The following F10 variants were observed in gnomAD, a reference collection of about 807,000 sequenced individuals.
F10 encodes the protein coagulation factor X.
Under a neutral mutation model 37.1 loss-of-function variants are expected in F10, and 29 were observed. That is an observed-to-expected ratio of 0.78 (90% CI 0.58 to 1.07). The LOEUF (loss-of-function observed/expected upper bound fraction) is 1.07. F10 is among the 50% of genes least tolerant of loss of function. The probability of loss-of-function intolerance (pLI) is 0.00; values close to 1 mark genes in which losing one functional copy is unlikely to be tolerated. For synonymous variants in F10, 262 were observed against 268.6 expected (o/e 0.98, Z 0.24); for missense variants, 539 against 667.9 (o/e 0.81, Z 2.13).
chr13:113,126,120 G>A (rs2036367849), intron 1 of F10, among the ~76,000 whole-genome samples: 1 of 152,140 alleles, frequency 6.6e-6, no homozygotes, highest in African/African-American at 2.4e-5. Context: ...GGTGAATGAG[G>A]GCAGAGTTGA....
In F10 at chr13:113,139,354, CAG is replaced by C. The variant is rs1399921919; in HGVS notation, c.257-1_257del. On this transcript the variant is annotated splice_acceptor_variant, in intron 3 of 7. Transcript: ENST00000375559. LOFTEE classifies it high-confidence loss of function. This position sits in a 1 kb window ranked among gnomAD's most constrained non-coding sequence, Gnocchi z 5.2. ...CTCCAGTTTCGAAATCCTCTCTTTG[CAG>C]ATGGCGACCAGTGTGAGACCAGTCC... 6.2e-7 allele frequency: 1 copy of C among 1,613,078 alleles called. No individual in the cohort carries two copies. Among genetic ancestry groups the C allele is most frequent in the Non-Finnish European group, 8.5e-7 (1 of 1,179,232 alleles).
rs2036530181 is a variant in F10 at position 113,141,793 on chromosome 13, G to A, written c.502+743G>A. Among the ~76,000 whole-genome samples, 1 of 152,184 alleles carries A rather than the reference G, an allele frequency of 6.6e-6. No homozygotes were observed. Among genetic ancestry groups the A allele is most frequent in the African/African-American group, 2.4e-5 (1 of 41,458 alleles). On this transcript the variant is annotated intron_variant, in intron 5 of 7. Coordinates refer to ENST00000375559, the MANE Select transcript of F10 (RefSeq NM_000504.4). This position sits in a 1 kb window ranked among gnomAD's most constrained non-coding sequence, Gnocchi z 5.4. ...AGCAACCCCACTCCCACTCATAGCT[G>A]GCCCGACCCGCAGCGTTGGCCTCAC...
Position 113,144,563 on chromosome 13 carries a change from T to C in F10, c.747+468T>C, listed in dbSNP as rs946072584. ...TGGGCAAGGCCTCCATCTGCTCTTC[T>C]GTTTGACGGGAGGCAGAAAGAGTTG... On this transcript the variant is annotated intron_variant, in intron 6 of 7. Transcript: ENST00000375559. The surrounding 1 kb of genome is among the most constrained non-coding windows in gnomAD (Gnocchi z 6.4). 1.3e-5 allele frequency among the ~76,000 whole-genome samples: 2 copies of C among 152,248 alleles called. No homozygotes were observed. The highest frequency in any genetic ancestry group is 1.3e-4 in the Admixed American group (2 of 15,284).
chr13:113,140,804 C>G, intron 4 of F10, 115 bp from the exon 5 acceptor site: 2 of 1,531,478 alleles, frequency 1.3e-6, no homozygotes, highest in Non-Finnish European at 1.8e-6. Flanking sequence ...GCCCTTTGCT[C>G]AACCCAATGG....
At chr13:113,128,242 A>G (rs1311202260) in intron 1 of F10, 2 of 152,212 alleles carry the variant, frequency 1.3e-5, no homozygotes, top group African/African-American at 4.8e-5. Flanking sequence ...TGTCCAAGGT[A>G]GTTGGGTCAC....
chr13:113,124,236 G>T (rs560603882), intron 1 of F10, among the ~76,000 whole-genome samples: 71 of 152,240 alleles, frequency 4.7e-4, no homozygotes, highest in Non-Finnish European at 8.7e-4. Flanking sequence ...TTCCTGGGAA[G>T]AAGCAGAGGG....
rs138750596 is a variant in F10 at position 113,148,399 on chromosome 13, T to TATATACAC, written c.866-516_866-515insTATACACA. Among the ~76,000 whole-genome samples, 4 of 138,620 alleles carry TATATACAC rather than the reference T, an allele frequency of 2.9e-5. No homozygotes were observed. In the Admixed American group the frequency reaches 3.0e-4, roughly 11 times the overall value. The allele number at this position is 138,620 out of a possible 152,430, so 90.9% of individuals were successfully genotyped here. ...ATGTGTATATATATATACATATATA[T>TATATACAC]ACACACACACACACAATTTCCATAA... On this transcript the variant is annotated intron_variant, in intron 7 of 7. Coordinates refer to ENST00000375559, the MANE Select transcript of F10 (RefSeq NM_000504.4).
At position 113,144,172 on chromosome 13, in the gene F10, C is replaced by T; in HGVS notation, c.747+77C>T. 1 of 1,599,604 alleles carries T rather than the reference C, an allele frequency of 6.3e-7. No homozygotes were observed. Among genetic ancestry groups the T allele is most frequent in the Non-Finnish European group, 8.5e-7 (1 of 1,173,212 alleles). On this transcript the variant is annotated intron_variant, in intron 6 of 7. Transcript: ENST00000375559. The surrounding 1 kb of genome is among the most constrained non-coding windows in gnomAD (Gnocchi z 6.4). ...GTGCACCTCGGGGAGGCCAGCCTGA[C>T]ACTTGGAATAGCAATCCGGGAAGGA...
At position 113,139,216 on chromosome 13, in the gene F10, A is replaced by G. The variant is rs1303295683; in HGVS notation, c.257-141A>G. On this transcript the variant is annotated intron_variant, in intron 3 of 7. Coordinates refer to ENST00000375559, the MANE Select transcript of F10 (RefSeq NM_000504.4). This position sits in a 1 kb window ranked among gnomAD's most constrained non-coding sequence, Gnocchi z 5.2. ...AAAGGGGGTGGATCAAATAAAGTCC[A>G]AAGAGGGGGAGTTGTTTACAGAGAA... The G allele has an allele frequency of 8.8e-6, 6 of 684,088 alleles. No individual in the cohort carries two copies. The highest frequency in any genetic ancestry group is 1.6e-5 in the Non-Finnish European group (6 of 383,814). 42.4% of individuals were successfully genotyped at this position (684,088 alleles called of 1,614,324 possible).
rs2036547127 is a variant in F10 at position 113,143,021 on chromosome 13, G to GGCGGGGTGGAGGCCCC, written c.503-829_503-814dup. On this transcript the variant is annotated intron_variant, in intron 5 of 7. Coordinates refer to ENST00000375559, the MANE Select transcript of F10 (RefSeq NM_000504.4). This position sits in a 1 kb window ranked among gnomAD's most constrained non-coding sequence, Gnocchi z 6.8. ...GCACACATGGACAGAGCTGAGGCAC[G>GGCGGGGTGGAGGCCCC]GCGGGGTGGAGGCCCCTGCGGCTGG... 1.3e-5 allele frequency among the ~76,000 whole-genome samples: 2 copies of GGCGGGGTGGAGGCCCC among 152,106 alleles called. No homozygotes were observed.
rs575228808 is a variant in F10, at chr13:113,144,586, T to C, written c.747+491T>C. Among the ~76,000 whole-genome samples, 2 of 152,280 alleles carry C rather than the reference T, an allele frequency of 1.3e-5. No individual in the cohort carries two copies. The highest frequency in any genetic ancestry group is 3.9e-4 in the East Asian group (2 of 5,174). ...TCTGTTTGACGGGAGGCAGAAAGAG[T>C]TGGTGTCCTCGCTTCATTTCTAATT... On this transcript the variant is annotated intron_variant, in intron 6 of 7. Coordinates refer to ENST00000375559, the MANE Select transcript of F10 (RefSeq NM_000504.4). The surrounding 1 kb of genome is among the most constrained non-coding windows in gnomAD (Gnocchi z 6.4).
At chr13:113,145,160 G>A (rs535987699) in intron 6 of F10, among the ~76,000 whole-genome samples, 2 of 152,166 alleles carry the variant, frequency 1.3e-5, no homozygotes, top group Non-Finnish European at 2.9e-5. Context: ...GATTACAGGC[G>A]TGAGACAATG....
Position 113,144,245 on chromosome 13 carries a change from C to T in F10, c.747+150C>T, listed in dbSNP as rs2036560320. ...GGGCTCCGCCACCCAAGCCTGCCTG[C>T]CTGTCCCCTCCCTCCGGGCAGCCAA... is the stretch of plus-strand genomic sequence containing the variant. On this transcript the variant is annotated intron_variant, in intron 6 of 7. Transcript: ENST00000375559. This position sits in a 1 kb window ranked among gnomAD's most constrained non-coding sequence, Gnocchi z 6.4. The T allele has an allele frequency of 1.7e-6, 2 of 1,206,718 alleles. No individual in the cohort carries two copies. The highest frequency in any genetic ancestry group is 2.3e-6 in the Non-Finnish European group (2 of 857,292). 74.8% of individuals were successfully genotyped at this position (1,206,718 alleles called of 1,614,324 possible). A position where few individuals can be genotyped will look rare whatever the true frequency, so the allele number is the denominator to read the frequency against.
chr13:113,143,873 G>A lies in F10; in HGVS notation c.525G>A (p.Gln175=). The part of the protein sequence containing the change: ...IPTGPYPCGK[Q]TLERRKRSVA... ...CAGGGCCCTACCCCTGTGGGAAACA[G>A]ACCCTGGAACGCAGGAAGAGGTCAG... Residue 175 remains glutamine (Q), a synonymous_variant, in exon 6 of 8, where the codon CAG becomes CAA. Transcript: ENST00000375559. The surrounding 1 kb of genome is among the most constrained non-coding windows in gnomAD (Gnocchi z 6.8). 6.2e-7 allele frequency: 1 copy of A among 1,613,086 alleles called. No homozygotes were observed. The highest frequency in any genetic ancestry group is 8.5e-7 in the Non-Finnish European group (1 of 1,180,020).
At chr13:113,132,199 T>G (rs2036440830) in intron 2 of F10, 1 of 152,244 alleles carries the variant, frequency 6.6e-6, no homozygotes, top group African/African-American at 2.4e-5. Context: ...CAGAAAAAAT[T>G]TAGAATTTTC....
intron 5 of F10, among the ~76,000 whole-genome samples, chr13:113,142,753 C>A (rs1432593227): frequency 8.6e-6 from 1 of 116,298 alleles, no homozygotes; most frequent in African/African-American, 3.2e-5. Flanking sequence ...TGGTGAAACC[C>A]TGTCTCTATA....
At position 113,139,494 on chromosome 13, in the gene F10, C is replaced by T; in HGVS notation, c.370+24C>T. The stretch of plus-strand genomic sequence containing the variant: ...ATGTAGGTTCCTCTGCTTGGTATAC[C>T]TTCAGATCAGATGCCCCTGAAGAGT... On this transcript the variant is annotated intron_variant, in intron 4 of 7. Transcript: ENST00000375559. This position sits in a 1 kb window ranked among gnomAD's most constrained non-coding sequence, Gnocchi z 5.2. 1 of 1,579,444 alleles carries T rather than the reference C, an allele frequency of 6.3e-7. No homozygotes were observed. Among genetic ancestry groups the T allele is most frequent in the Non-Finnish European group, 8.7e-7 (1 of 1,148,740 alleles).
chr13:113,132,933 G>A (rs913565589), intron 2 of F10, among the ~76,000 whole-genome samples: 11 of 152,114 alleles, frequency 7.2e-5, no homozygotes, highest in African/African-American at 2.7e-4. Flanking sequence ...ATTACTAACA[G>A]AAAAATAACT....
At position 113,129,609 on chromosome 13, in the gene F10, G is replaced by A. The variant is rs1383855066; in HGVS notation, c.228G>A (p.Lys76=). The A allele has an allele frequency of 5.6e-6, 9 of 1,614,026 alleles. No individual in the cohort carries two copies. The East Asian group carries it at 2.0e-4, about 36-fold the overall frequency. Residue 76 remains lysine (K), a synonymous_variant, in exon 2 of 8, where the codon AAG becomes AAA. Coordinates refer to ENST00000375559, the MANE Select transcript of F10 (RefSeq NM_000504.4). ...EAREVFEDSD[K]TNEFWNKYKD... ...GCGAGGTCTTTGAGGACAGCGACAA[G>A]ACGGTAAGGGCTGGGGATAGCCTGG... is the stretch of plus-strand genomic sequence containing the variant.
Sources: gnomAD v4.1 joint callset for allele counts (sites outside exome capture counted in the v4.1 genomes callset) on GRCh38, gnomAD v4.1.1 for gene constraint, Gnocchi (gnomAD v3.1) non-coding constraint, MANE v1.5 for transcripts, NCBI Gene and HGNC (gene_info 2026-07-23, HGNC 2026-07-21) for gene names.